The following CASK variants were observed in gnomAD, a reference collection of about 807,000 sequenced individuals.
The protein encoded by CASK is calcium/calmodulin dependent serine protein kinase.
In CASK, 4 loss-of-function variants were observed where a neutral mutation model predicts 82.9. That is an observed-to-expected ratio of 0.05 (90% CI 0.02 to 0.11). The LOEUF is 0.11. Among genes scored for constraint, CASK ranks in the 10% least tolerant of loss-of-function variants. The pLI, the probability that CASK is intolerant of heterozygous loss-of-function variation, is 1.00. For missense variants in CASK, 358 were observed against 720.9 expected, an observed-to-expected ratio of 0.50 and a Z score of 5.76; for synonymous variants, 259 against 253.5, an observed-to-expected ratio of 1.02 and a Z score of -0.20.
chrX:41,612,852 T>C (rs1200901770), intron 11 of CASK, among the ~76,000 whole-genome samples: 76 of 51,188 alleles, frequency 1.5e-3, no homozygotes, highest in African/African-American at 1.9e-3. Flanking sequence ...CCCCTCTGCC[T>C]GGCCAGCCGC....
intron 1 of CASK, among the ~76,000 whole-genome samples, chrX:41,915,676 G>A (rs2072662459): frequency 9.1e-6 from 1 of 109,675 alleles, no homozygotes; most frequent in Non-Finnish European, 1.9e-5. Flanking sequence ...CCAGCCTGGT[G>A]AAACCCCGTC....
chrX:41,725,297 A>T (rs2068240414), intron 5 of CASK, among the ~76,000 whole-genome samples: 1 of 111,978 alleles, frequency 8.9e-6, no homozygotes, highest in African/African-American at 3.2e-5. Flanking sequence ...CATATTTGAA[A>T]AAAAACCCCA....
At chrX:41,872,453 C>T (rs969459210) in intron 1 of CASK, among the ~76,000 whole-genome samples, 13 of 111,738 alleles carry the variant, frequency 1.2e-4, no homozygotes, top group Admixed American at 9.5e-4. Flanking sequence ...GCTCCTTGTG[C>T]TTTTATTAAA....
At chrX:41,731,777 T>C (rs763250456) in intron 5 of CASK, among the ~76,000 whole-genome samples, 5 of 110,618 alleles carry the variant, frequency 4.5e-5, no homozygotes, top group African/African-American at 1.6e-4. Flanking sequence ...ATATCACTTC[T>C]GTTTTTGGAG....
chrX:41,677,253 G>T (rs751569679), intron 5 of CASK, among the ~76,000 whole-genome samples: 1 of 110,751 alleles, frequency 9.0e-6, no homozygotes, highest in Non-Finnish European at 1.9e-5. Context: ...GTGTAAATTT[G>T]GGAATCAACA....
intron 2 of CASK, among the ~76,000 whole-genome samples, chrX:41,808,342 C>T (rs1174118931): frequency 1.8e-5 from 2 of 111,535 alleles, no homozygotes; most frequent in Non-Finnish European, 3.8e-5. Context: ...TTGAACAAGT[C>T]ACTTAACTGT....
chrX:41,715,333 T>G (rs774599714), intron 5 of CASK, among the ~76,000 whole-genome samples: 1 of 111,801 alleles, frequency 8.9e-6, no homozygotes, highest in South Asian at 3.8e-4. Flanking sequence ...AAGAGCTCCT[T>G]TCTTGGCTGG....
intron 8 of CASK, among the ~76,000 whole-genome samples, chrX:41,657,212 G>A (rs2066955461): frequency 8.9e-6 from 1 of 112,314 alleles, no homozygotes; most frequent in Non-Finnish European, 1.9e-5. Context: ...TGAGAGTAAA[G>A]GAATAAATAA....
intron 5 of CASK, among the ~76,000 whole-genome samples, chrX:41,682,123 G>A (rs1249269615): frequency 9.2e-6 from 1 of 108,400 alleles, no homozygotes; most frequent in African/African-American, 3.4e-5. Flanking sequence ...ACCAGTAGGT[G>A]CTAAAATCTT....
intron 16 of CASK, among the ~76,000 whole-genome samples, chrX:41,564,900 C>A (rs2065288174): frequency 1.8e-5 from 2 of 112,204 alleles, no homozygotes; most frequent in Admixed American, 1.9e-4. Context: ...GACCACAGAG[C>A]AATCAAATTA....
chrX:41,663,196 G>A lies in CASK; in HGVS notation c.708+2081C>T, dbSNP rs749957271. On this transcript the variant is annotated intron_variant, in intron 7 of 26. Transcript: ENST00000378163. ...ACTATTCTCTCTACTATTTTTGTTCGAAATTTTTGATAATAAAAGATAGAA... is the reference window on the plus strand; with the variant it reads ...ACTATTCTCTCTACTATTTTTGTTCAAAATTTTTGATAATAAAAGATAGAA... Among the ~76,000 whole-genome samples the A allele has an allele frequency of 1.2e-3, 128 of 111,237 alleles. 1 individual carries two copies. The highest frequency in any genetic ancestry group is 4.3e-3 in the Admixed American group (45 of 10,442).
At chrX:41,546,608 C>T (rs1259094662) in intron 21 of CASK, among the ~76,000 whole-genome samples, 2 of 110,863 alleles carry the variant, frequency 1.8e-5, no homozygotes, top group Non-Finnish European at 3.8e-5. Context: ...GCTGGGACTA[C>T]AGGTGTGCGC....
intron 1 of CASK, among the ~76,000 whole-genome samples, chrX:41,916,375 A>ATAT (rs1419763346): frequency 8.9e-6 from 1 of 111,930 alleles, no homozygotes; most frequent in Admixed American, 9.5e-5. Context: ...TGGGCTCTAC[A>ATAT]ACCAATACCA....
chrX:41,535,687 G>T (rs2064864943), intron 22 of CASK, among the ~76,000 whole-genome samples: 1 of 111,924 alleles, frequency 8.9e-6, no homozygotes. Flanking sequence ...TGTGTATGGT[G>T]GATCAGGATG....
At chrX:41,604,147 T>A (rs1385546674) in intron 12 of CASK, among the ~76,000 whole-genome samples, 8 of 108,708 alleles carry the variant, frequency 7.4e-5, no homozygotes, top group Non-Finnish European at 1.9e-5. Flanking sequence ...CATTATTTTA[T>A]ATTAGATTTG....
At chrX:41,751,231 C>T (rs1029142578) in intron 3 of CASK, among the ~76,000 whole-genome samples, 2 of 111,155 alleles carry the variant, frequency 1.8e-5, no homozygotes, top group Non-Finnish European at 3.8e-5. Flanking sequence ...TACAGGCATG[C>T]ACCACCACAC....
chrX:41,698,262 C>T (rs1461469426), intron 5 of CASK, among the ~76,000 whole-genome samples: 1 of 111,598 alleles, frequency 9.0e-6, no homozygotes, highest in African/African-American at 3.3e-5. Context: ...GTAGTAGGCA[C>T]GTGATTATAT....
chrX:41,727,399 G>C (rs2068280431), intron 5 of CASK: 1 of 1,209,630 alleles, frequency 8.3e-7, no homozygotes, highest in Admixed American at 2.2e-5. Context: ...AATGCAAAAG[G>C]ATTCCTCGCA....
intron 2 of CASK, among the ~76,000 whole-genome samples, chrX:41,809,702 G>A (rs764859166): frequency 1.3e-3 from 147 of 112,268 alleles, no homozygotes; most frequent in Middle Eastern, 9.3e-3. Flanking sequence ...CCAAAGGAAC[G>A]CAGCTCCTTG....
Sources: allele counts gnomAD v4.1 joint callset (sites outside exome capture counted in the v4.1 genomes callset), GRCh38; gene constraint gnomAD v4.1.1; transcripts MANE v1.5; gene names NCBI Gene and HGNC (gene_info 2026-07-23, HGNC 2026-07-21).